DLG4: variants seen among roughly 807,000 people sequenced by gnomAD.
The protein encoded by DLG4 is discs large MAGUK scaffold protein 4, also known as disks large homolog 4.
A neutral mutation model predicts 93.8 loss-of-function variants in DLG4; 7 were observed. The observed-to-expected ratio is 0.07, with a 90% CI of 0.04 to 0.14. DLG4 has a LOEUF of 0.14. Among genes scored for constraint, DLG4 ranks in the 10% least tolerant of loss-of-function variants. The probability of loss-of-function intolerance (pLI) is 1.00; values close to 1 mark genes in which losing one functional copy is unlikely to be tolerated. For synonymous variants in DLG4, 341 were observed against 387.6 expected (o/e 0.88, Z 1.41); for missense variants, 545 against 992.9 (o/e 0.55, Z 6.06).
chr17:7,208,181 G>C lies in DLG4; in HGVS notation c.89C>G (p.Pro30Arg). 7.6e-7 allele frequency: 1 copy of C among 1,315,816 alleles called. No homozygotes were observed. The highest frequency in any genetic ancestry group is 9.8e-7 in the Non-Finnish European group (1 of 1,022,774). The allele number at this position is 1,315,816 out of a possible 1,614,324, so 81.5% of individuals were successfully genotyped here. A position where few individuals can be genotyped will look rare whatever the true frequency, so the allele number is the denominator to read the frequency against. The change falls in exon 2 of 20, where the codon CCC (proline) becomes CGC (arginine). Residue 30 changes from proline to arginine, a missense_variant. Around this residue, in one of 5 missense-constraint regions of DLG4, gnomAD observed 49 missense variants for 80.4 expected, o/e 0.61. Transcript: ENST00000399506. The surrounding 1 kb of genome is among the most constrained non-coding windows in gnomAD (Gnocchi z 5.4). Reference protein sequence around the residue: ...PPLEHSPAHLPNQANSPPVIV... With the variant: ...PPLEHSPAHLRNQANSPPVIV... ...CAGCTCGGGGGCGTTTACCTGGTTG[G>C]GGAGGTGGGCCGGGCTGTGCTCCAG...
chr17:7,189,500 C>CA lies in DLG4; in HGVS notation c.*1207dup, dbSNP rs982805666. ...CAAGACTCTGTCTCAAAAAAAAAAA[C>CA]AAAAAAACAAAAAAAATCATTTCCA... On this transcript the variant is annotated 3_prime_UTR_variant, in exon 20 of 20. Coordinates refer to ENST00000399506, the MANE Select transcript of DLG4 (RefSeq NM_001321075.3). Among the ~76,000 whole-genome samples, 6 of 150,908 alleles carry CA rather than the reference C, an allele frequency of 4.0e-5. No individual in the cohort carries two copies. In the South Asian group the frequency reaches 6.3e-4, roughly 16 times the overall value.
chr17:7,197,459 A>G (rs553697876), intron 8 of DLG4, among the ~76,000 whole-genome samples: 2 of 151,864 alleles, frequency 1.3e-5, no homozygotes, highest in African/African-American at 4.8e-5. Context: ...TCATTTGTCT[A>G]AAAGAATTTC....
At chr17:7,218,364 G>A, upstream of DLG4, 1 of 1,493,768 alleles carries the variant, frequency 6.7e-7, no homozygotes, top group Non-Finnish European at 9.2e-7. Context: ...CTGCTGGCTG[G>A]CTGGCAAGGG....
rs1284098463 is a variant in DLG4 at position 7,190,781 on chromosome 17, T to A, written c.2102A>T (p.Tyr701Phe). The A allele has an allele frequency of 1.9e-6, 3 of 1,612,704 alleles. No homozygotes were observed. In the African/African-American group the frequency reaches 4.0e-5, roughly 22 times the overall value. The stretch of plus-strand genomic sequence containing the variant: ...CTCGATGACACGCTTCACCTTGTGG[T>A]AGATCTCCTCAAAGCTGTCACCCTC... ...IVEGDSFEEIYHKVKRVIEDL... is the reference protein window; with the variant it reads ...IVEGDSFEEIFHKVKRVIEDL... The change falls in exon 20 of 20, where the codon TAC (tyrosine) becomes TTC (phenylalanine). Residue 701 changes from tyrosine to phenylalanine, a missense_variant. Tyr to Phe is a conservative substitution (Grantham distance 22). Transcript: ENST00000399506.
At chr17:7,207,224 G>A (rs2070505908) in intron 2 of DLG4, among the ~76,000 whole-genome samples, 1 of 151,998 alleles carries the variant, frequency 6.6e-6, no homozygotes, top group African/African-American at 2.4e-5. Context: ...CATGGGAAAG[G>A]GGAGCTGGCT....
upstream of DLG4, chr17:7,218,900 G>A: frequency 1.9e-6 from 3 of 1,597,092 alleles, no homozygotes; most frequent in South Asian, 3.3e-5. Context: ...TTGGAGTTGA[G>A]CTGCTTCTCC....
In DLG4 at chr17:7,208,968, C is replaced by G. The variant is rs2070603139; in HGVS notation, c.31-729G>C. On this transcript the variant is annotated intron_variant, in intron 1 of 19. Coordinates refer to ENST00000399506, the MANE Select transcript of DLG4 (RefSeq NM_001321075.3). This position sits in a 1 kb window ranked among gnomAD's most constrained non-coding sequence, Gnocchi z 5.4. Reference sequence around the variant, plus strand: ...GGGCCCCGGGAGTCTGGCCCTACCCCTGCAACAGCCCACAGCCCAGCCAGC... The same window carrying G: ...GGGCCCCGGGAGTCTGGCCCTACCCGTGCAACAGCCCACAGCCCAGCCAGC... Among the ~76,000 whole-genome samples, 1 of 152,126 alleles carries G rather than the reference C, an allele frequency of 6.6e-6. No individual in the cohort carries two copies. The highest frequency in any genetic ancestry group is 2.1e-4 in the South Asian group (1 of 4,826).
At chr17:7,207,906 C>A (rs1247289651) in intron 2 of DLG4, among the ~76,000 whole-genome samples, 1 of 152,062 alleles carries the variant, frequency 6.6e-6, no homozygotes, top group East Asian at 1.9e-4. Context: ...TTTCCAGCCC[C>A]ACAAACGCCC....
chr17:7,190,611 G>A lies in DLG4; in HGVS notation c.*97C>T. The A allele has an allele frequency of 1.1e-6, 1 of 917,474 alleles. No homozygotes were observed. 56.8% of individuals were successfully genotyped at this position (917,474 alleles called of 1,614,324 possible). ...AGGAAATAAATAAGAAGGGGTGGGA[G>A]GGAGGCCGGGGGGAGCCAAGGGCTT... is the stretch of plus-strand genomic sequence containing the variant. On this transcript the variant is annotated 3_prime_UTR_variant, in exon 20 of 20. Coordinates refer to ENST00000399506, the MANE Select transcript of DLG4 (RefSeq NM_001321075.3).
intron 1 of DLG4, among the ~76,000 whole-genome samples, chr17:7,216,490 C>T (rs1191592263): frequency 6.6e-6 from 1 of 152,138 alleles, no homozygotes; most frequent in African/African-American, 2.4e-5. Context: ...CATGCCAGGG[C>T]CCCAGCCCTC....
At chr17:7,214,094 G>T (rs958552415) in intron 1 of DLG4, among the ~76,000 whole-genome samples, 3 of 152,062 alleles carry the variant, frequency 2.0e-5, no homozygotes, top group Non-Finnish European at 2.9e-5. Flanking sequence ...CTTTGCCGTC[G>T]CCTAGCAACC....
chr17:7,218,438 G>C, upstream of DLG4: 1 of 1,389,150 alleles, frequency 7.2e-7, no homozygotes, highest in East Asian at 2.5e-5. Flanking sequence ...GACCCTGCAT[G>C]GTGCTCCAGC....
Position 7,202,887 on chromosome 17 carries a change from T to C in DLG4, c.787+16A>G. The C allele has an allele frequency of 1.2e-6, 2 of 1,613,786 alleles. No homozygotes were observed. Among genetic ancestry groups the C allele is most frequent in the Non-Finnish European group, 1.7e-6 (2 of 1,179,706 alleles). On this transcript the variant is annotated intron_variant, in intron 8 of 19. Coordinates refer to ENST00000399506, the MANE Select transcript of DLG4 (RefSeq NM_001321075.3). ...GGATGGGTCATGGGGAACTTTGGTG[T>C]TTGAAGGGCTCTCACAGGTTGTGAT...
upstream of DLG4, chr17:7,218,944 T>C: frequency 7.3e-7 from 1 of 1,372,956 alleles, no homozygotes; most frequent in Non-Finnish European, 1.0e-6. Flanking sequence ...AAGTAGGCCG[T>C]CTCTGAGCCG....
At position 7,193,546 on chromosome 17, in the gene DLG4, T is replaced by C; in HGVS notation, c.1630A>G (p.Lys544Glu). Reference sequence around the variant, plus strand: ...AGAAGATCATCGTTGGCGCGGTCCTTGGTGGGCCCAAGGATGATGATGGGG... The same window carrying C: ...AGAAGATCATCGTTGGCGCGGTCCTCGGTGGGCCCAAGGATGATGATGGGG... ...ARPIIILGPTKDRANDDLLSE... is the reference protein window; with the variant it reads ...ARPIIILGPTEDRANDDLLSE... The change falls in exon 16 of 20, where the codon AAG becomes GAG. Residue 544 changes from lysine (K) to glutamate (E), a missense_variant. Transcript: ENST00000399506. The surrounding 1 kb of genome is among the most constrained non-coding windows in gnomAD (Gnocchi z 6.7). 1 of 1,534,818 alleles carries C rather than the reference T, an allele frequency of 6.5e-7. No individual in the cohort carries two copies. Among genetic ancestry groups the C allele is most frequent in the Non-Finnish European group, 8.7e-7 (1 of 1,147,344 alleles).
intron 1 of DLG4, chr17:7,213,713 T>TAA: frequency 2.1e-6 from 1 of 466,466 alleles, no homozygotes; most frequent in South Asian, 1.6e-5. Flanking sequence ...TTCCAGCTCT[T>TAA]AAAACCCAGT....
At chr17:7,211,480 G>A (rs961280464) in intron 1 of DLG4, among the ~76,000 whole-genome samples, 1 of 151,486 alleles carries the variant, frequency 6.6e-6, no homozygotes, top group Non-Finnish European at 1.5e-5. Context: ...AAAACATAGG[G>A]GTGTGAGTCA....
intron 8 of DLG4, 141 bp from the exon 9 acceptor site, chr17:7,197,193 G>A: frequency 1.3e-6 from 1 of 799,602 alleles, no homozygotes; most frequent in Non-Finnish European, 1.9e-6. Flanking sequence ...GGGTGGTAAG[G>A]GGATATCAGA....
chr17:7,201,231 C>T (rs1353227438), intron 8 of DLG4, among the ~76,000 whole-genome samples: 1 of 152,192 alleles, frequency 6.6e-6, no homozygotes, highest in Non-Finnish European at 1.5e-5. Context: ...GATCTAGATG[C>T]ACAGTAGTAT....
Sources: allele counts gnomAD v4.1 joint callset (sites outside exome capture counted in the v4.1 genomes callset), GRCh38; gene constraint gnomAD v4.1.1; regional missense constraint gnomAD v4.1.1; non-coding constraint Gnocchi (gnomAD v3.1); transcripts MANE v1.5; gene names NCBI Gene and HGNC (gene_info 2026-07-23, HGNC 2026-07-21).